The following CELF5 variants were observed in gnomAD, a reference collection of about 807,000 sequenced individuals.
CELF5 encodes the protein CUGBP Elav-like family member 5.
Under a neutral mutation model 54.9 loss-of-function variants are expected in CELF5, and 6 were observed. That is an observed-to-expected ratio of 0.11 (90% CI 0.06 to 0.22). The LOEUF is 0.22. Ranked by LOEUF, CELF5 falls within the 10% of genes least tolerant of loss-of-function variation. CELF5 has a pLI of 1.00. For missense variants in CELF5, 401 were observed against 678.6 expected, an observed-to-expected ratio of 0.59 and a Z score of 4.54; for synonymous variants, 271 against 290.9, an observed-to-expected ratio of 0.93 and a Z score of 0.70.
intron 2 of CELF5, among the ~76,000 whole-genome samples, chr19:3,263,596 C>A (rs1394154439): frequency 6.9e-6 from 1 of 145,768 alleles, no homozygotes; most frequent in African/African-American, 2.6e-5. Flanking sequence ...ACAAATATTT[C>A]TTAAACTATT....
intron 2 of CELF5, among the ~76,000 whole-genome samples, chr19:3,255,710 T>G (rs1256475946): frequency 6.6e-6 from 1 of 152,180 alleles, no homozygotes; most frequent in East Asian, 1.9e-4. Context: ...AACCTCAGTT[T>G]TCTTTATCTC....
chr19:3,284,869 C>G (rs760761359), intron 8 of CELF5, 33 bp from the exon 9 acceptor site: 1 of 1,603,622 alleles, frequency 6.2e-7, no homozygotes, highest in Non-Finnish European at 8.5e-7. Context: ...TTCTGCTGCT[C>G]CCGCCCCACT....
intron 1 of CELF5, among the ~76,000 whole-genome samples, chr19:3,248,879 TTC>T (rs1200392102): frequency 3.1e-5 from 4 of 130,274 alleles, no homozygotes; most frequent in Admixed American, 2.5e-4. Context: ...CCTTCCTTCC[TTC>T]CTTCCTTCCT....
rs764306637 is a variant in CELF5, at chr19:3,290,390, C to G, written c.1330+16C>G. On this transcript the variant is annotated intron_variant, in intron 11 of 12. Transcript: ENST00000292672. ...AAGTGTTTCGGTGAGTGGCCGCCGA[C>G]GCCACCCCTCCCCATCCACCTCCCT... 3.7e-6 allele frequency: 6 copies of G among 1,611,704 alleles called. No individual in the cohort carries two copies. Among genetic ancestry groups the G allele is most frequent in the Non-Finnish European group, 4.2e-6 (5 of 1,178,252 alleles).
chr19:3,283,053 A>C (rs1475133548), intron 8 of CELF5, among the ~76,000 whole-genome samples: 1 of 152,074 alleles, frequency 6.6e-6, no homozygotes, highest in Non-Finnish European at 1.5e-5. Flanking sequence ...CTGGTCTCGA[A>C]CTCCTGACCT....
At position 3,232,521 on chromosome 19, in the gene CELF5, G is replaced by A. The variant is rs1219470982; in HGVS notation, c.259+7523G>A. On this transcript the variant is annotated intron_variant, in intron 1 of 12. Coordinates refer to ENST00000292672, the MANE Select transcript of CELF5 (RefSeq NM_021938.4). ...ATCGCACCACTGCATCCCAGCCTGCGTGATAGAGTGAGGCCCTTTACAGAG... is the reference window on the plus strand; with the variant it reads ...ATCGCACCACTGCATCCCAGCCTGCATGATAGAGTGAGGCCCTTTACAGAG... 2.0e-5 allele frequency among the ~76,000 whole-genome samples: 3 copies of A among 151,976 alleles called. 1 individual carries two copies. Among genetic ancestry groups the A allele is most frequent in the African/African-American group, 4.8e-5 (2 of 41,364 alleles).
chr19:3,294,059 A>G (rs2080395715), intron 12 of CELF5: 1 of 152,212 alleles, frequency 6.6e-6, no homozygotes, highest in African/African-American at 2.4e-5. Flanking sequence ...GCGGCCCCTC[A>G]CTGGGTGTCA....
Position 3,281,702 on chromosome 19 carries a change from C to T in CELF5, c.750+357C>T, listed in dbSNP as rs1450072174. On this transcript the variant is annotated intron_variant, in intron 6 of 12. Transcript: ENST00000292672. The surrounding 1 kb of genome is among the most constrained non-coding windows in gnomAD (Gnocchi z 6.5). ...GACCTGATCCCAAGTTGAGCCCCAG[C>T]TCCTGACTGAACCCTGATCCCAGGC... is the stretch of plus-strand genomic sequence containing the variant. Among the ~76,000 whole-genome samples, 1 of 152,212 alleles carries T rather than the reference C, an allele frequency of 6.6e-6. No homozygotes were observed. Among genetic ancestry groups the T allele is most frequent in the East Asian group, 1.9e-4 (1 of 5,202 alleles).
chr19:3,260,621 A>ATTTT (rs34244242), intron 2 of CELF5, among the ~76,000 whole-genome samples: 7 of 104,646 alleles, frequency 6.7e-5, no homozygotes, highest in Admixed American at 2.1e-4. Context: ...CACCTGGCTA[A>ATTTT]TTTTTTTTTT....
chr19:3,249,354 C>A (rs2079615845), intron 1 of CELF5, among the ~76,000 whole-genome samples: 1 of 152,184 alleles, frequency 6.6e-6, no homozygotes, highest in Non-Finnish European at 1.5e-5. Flanking sequence ...TACTTTTGAT[C>A]TAATTAGGCT....
chr19:3,285,099 G>T, intron 9 of CELF5, 135 bp downstream of exon 9: 1 of 681,446 alleles, frequency 1.5e-6, no homozygotes, highest in Non-Finnish European at 2.5e-6. Flanking sequence ...GCCCCTCAGG[G>T]CCCACCCTTA....
rs1420818025 is a variant in CELF5, at chr19:3,281,830, C to T, written c.751-296C>T. ...CTTGATCCTAGATTGAGCCTTAGTC[C>T]CAGGCTGAGCCTCGCTTTTCTAACT... On this transcript the variant is annotated intron_variant, in intron 6 of 12. Transcript: ENST00000292672. This position sits in a 1 kb window ranked among gnomAD's most constrained non-coding sequence, Gnocchi z 6.5. Among the ~76,000 whole-genome samples the T allele has an allele frequency of 2.0e-5, 3 of 151,982 alleles. No homozygotes were observed. Among genetic ancestry groups the T allele is most frequent in the Admixed American group, 2.0e-4 (3 of 15,252 alleles).
intron 8 of CELF5, among the ~76,000 whole-genome samples, chr19:3,283,539 G>A (rs1464636361): frequency 1.3e-5 from 2 of 151,930 alleles, no homozygotes; most frequent in Non-Finnish European, 2.9e-5. Flanking sequence ...TTGTACAGAC[G>A]GGATCTTGCT....
At chr19:3,272,360 T>A (rs1478017940) in intron 2 of CELF5, among the ~76,000 whole-genome samples, 1 of 146,112 alleles carries the variant, frequency 6.8e-6, no homozygotes, top group Non-Finnish European at 1.5e-5. Context: ...AGAGTGAGAG[T>A]CCGTCCCAAG....
Position 3,282,099 on chromosome 19 carries a change from C to G in CELF5, c.751-27C>G. The G allele has an allele frequency of 6.2e-7, 1 of 1,613,774 alleles. No individual in the cohort carries two copies. Among genetic ancestry groups the G allele is most frequent in the Non-Finnish European group, 8.5e-7 (1 of 1,179,816 alleles). On this transcript the variant is annotated intron_variant, in intron 6 of 12. Coordinates refer to ENST00000292672, the MANE Select transcript of CELF5 (RefSeq NM_021938.4). The surrounding 1 kb of genome is among the most constrained non-coding windows in gnomAD (Gnocchi z 5.2). ...CCATGATCTCAGGGCAGATATCACC[C>G]CAACTGTGACATGTCTTCACCCCCA...
At chr19:3,283,604 C>T (rs142580834) in intron 8 of CELF5, among the ~76,000 whole-genome samples, 15 of 151,944 alleles carry the variant, frequency 9.9e-5, no homozygotes, top group South Asian at 2.1e-4. Context: ...CCCAAAGTGC[C>T]GGGATTATAG....
intron 1 of CELF5, among the ~76,000 whole-genome samples, chr19:3,239,329 G>A (rs2079458898): frequency 6.6e-6 from 1 of 151,860 alleles, no homozygotes; most frequent in South Asian, 2.1e-4. Flanking sequence ...AAACTCCTGA[G>A]CTCAAGCAAT....
At chr19:3,265,867 C>T (rs768817850) in intron 2 of CELF5, among the ~76,000 whole-genome samples, 9 of 151,934 alleles carry the variant, frequency 5.9e-5, no homozygotes, top group African/African-American at 1.5e-4. Context: ...AGTGTGATGG[C>T]GTGATCTCAG....
intron 2 of CELF5, among the ~76,000 whole-genome samples, chr19:3,254,445 G>A (rs58096421): frequency 0.21 from 30,096 of 143,654 alleles, 3,410 homozygotes; most frequent in East Asian, 0.55. Flanking sequence ...ATCCATCTAC[G>A]CATCCATCCA....
Sources: gnomAD v4.1 joint callset for allele counts (sites outside exome capture counted in the v4.1 genomes callset) on GRCh38, gnomAD v4.1.1 for gene constraint, Gnocchi (gnomAD v3.1) non-coding constraint, MANE v1.5 for transcripts, NCBI Gene and HGNC (gene_info 2026-07-23, HGNC 2026-07-21) for gene names.